The following PLEKHA5 variants were observed in gnomAD, a reference collection of about 807,000 sequenced individuals.
The protein encoded by PLEKHA5 is pleckstrin homology domain containing A5.
A neutral mutation model predicts 181.9 loss-of-function variants in PLEKHA5; 55 were observed. That is an observed-to-expected ratio of 0.30 (90% CI 0.24 to 0.38). PLEKHA5 has a LOEUF of 0.38. PLEKHA5 is among the 10% of genes least tolerant of loss of function. The pLI, the probability that PLEKHA5 is intolerant of heterozygous loss-of-function variation, is 1.00. For missense variants in PLEKHA5, 1,432 were observed against 1,549.5 expected (o/e 0.92, Z 1.27); for synonymous variants, 535 against 529.4 (o/e 1.01, Z -0.15).
At chr12:19,239,055 A>G (rs1001989255) in intron 3 of PLEKHA5, among the ~76,000 whole-genome samples, 1 of 152,182 alleles carries the variant, frequency 6.6e-6, no homozygotes, top group African/African-American at 2.4e-5. Context: ...TAAGGCCCTT[A>G]TAGTCTTAAA....
intron 3 of PLEKHA5, among the ~76,000 whole-genome samples, chr12:19,209,681 A>G (rs191911108): frequency 5.9e-5 from 9 of 152,334 alleles, no homozygotes; most frequent in Admixed American, 2.0e-4. Flanking sequence ...ACAAAGTACA[A>G]TCAAAGCAGT....
Position 19,287,482 on chromosome 12 carries a change from G to T in PLEKHA5, c.1789G>T (p.Val597Leu). The T allele has an allele frequency of 6.2e-7, 1 of 1,607,274 alleles. No homozygotes were observed. Among genetic ancestry groups the T allele is most frequent in the Non-Finnish European group, 8.5e-7 (1 of 1,175,044 alleles). ...GCCTTTACTTTCCTAGCATGTCTATGTGCCTGACAGAAGGTCAGTGCCAGC... is the reference window on the plus strand; with the variant it reads ...GCCTTTACTTTCCTAGCATGTCTATTTGCCTGACAGAAGGTCAGTGCCAGC... ...HRAHHPKHVY[V>L]PDRRSVPAGL... Residue 597 changes from valine (V) to leucine (L), a missense_variant, in exon 13 of 32, where the codon GTG (valine) becomes TTG (leucine). Val to Leu is a conservative substitution (Grantham distance 32). Transcript: ENST00000429027.
chr12:19,291,118 C>T (rs1377238934), intron 14 of PLEKHA5, among the ~76,000 whole-genome samples: 1 of 152,074 alleles, frequency 6.6e-6, no homozygotes, highest in African/African-American at 2.4e-5. Context: ...ACTGTGACTT[C>T]CATATCTGGT....
intron 3 of PLEKHA5, among the ~76,000 whole-genome samples, chr12:19,161,854 A>G (rs1287942256): frequency 6.6e-6 from 1 of 152,176 alleles, no homozygotes; most frequent in African/African-American, 2.4e-5. Flanking sequence ...ATTAACCAAG[A>G]TTGAGTATGT....
At chr12:19,259,361 T>C (rs1053281949) in intron 6 of PLEKHA5, among the ~76,000 whole-genome samples, 2 of 151,794 alleles carry the variant, frequency 1.3e-5, no homozygotes, top group Non-Finnish European at 2.9e-5. Context: ...AGCAAGACCC[T>C]GTCTCCAAAA....
chr12:19,230,393 G>C (rs1004533122), intron 3 of PLEKHA5, among the ~76,000 whole-genome samples: 1 of 152,174 alleles, frequency 6.6e-6, no homozygotes, highest in Non-Finnish European at 1.5e-5. Context: ...TGATGGGACC[G>C]GGCGTCGCAG....
chr12:19,180,826 G>A (rs1270338460), intron 3 of PLEKHA5, among the ~76,000 whole-genome samples: 1 of 146,422 alleles, frequency 6.8e-6, no homozygotes, highest in Non-Finnish European at 1.5e-5. Flanking sequence ...TTCCAAAGCC[G>A]ATTCCTGAGA....
chr12:19,160,952 C>T (rs1034988001), intron 3 of PLEKHA5, among the ~76,000 whole-genome samples: 15 of 151,960 alleles, frequency 9.9e-5, no homozygotes, highest in Admixed American at 9.8e-4. Flanking sequence ...TAAAAGCGTA[C>T]ATGTATGAAA....
intron 3 of PLEKHA5, among the ~76,000 whole-genome samples, chr12:19,187,544 G>C (rs2050143551): frequency 6.6e-6 from 1 of 152,160 alleles, no homozygotes; most frequent in Non-Finnish European, 1.5e-5. Context: ...TTTACCCCTA[G>C]TTAGTGATGC....
chr12:19,359,397 A>T lies in PLEKHA5; in HGVS notation c.3349-15A>T. On this transcript the variant is annotated splice_polypyrimidine_tract_variant and intron_variant, in intron 27 of 31. Coordinates refer to ENST00000429027, the MANE Select transcript of PLEKHA5 (RefSeq NM_001256470.2). ...CACAGTATGAGTATAAAAATGCTAT[A>T]TGTCTTTTGAGCAGACTCGAAGGAG... 6.2e-7 allele frequency: 1 copy of T among 1,609,546 alleles called. No individual in the cohort carries two copies. Among genetic ancestry groups the T allele is most frequent in the African/African-American group, 1.3e-5 (1 of 74,826 alleles).
At chr12:19,183,021 A>G (rs536587574) in intron 3 of PLEKHA5, among the ~76,000 whole-genome samples, 5 of 152,358 alleles carry the variant, frequency 3.3e-5, no homozygotes, top group South Asian at 2.1e-4. Flanking sequence ...CTGAAGAGCA[A>G]TGAAACAGAG....
chr12:19,303,903 C>T (rs981383442), intron 15 of PLEKHA5: 1 of 143,016 alleles, frequency 7.0e-6, no homozygotes, highest in Non-Finnish European at 1.5e-5. Flanking sequence ...GCAGCCTCAA[C>T]CCCCTAGGCT....
intron 30 of PLEKHA5, among the ~76,000 whole-genome samples, chr12:19,366,511 G>T (rs192717859): frequency 5.9e-5 from 9 of 152,122 alleles, no homozygotes; most frequent in African/African-American, 2.2e-4. Context: ...AAAATTAGCC[G>T]GGCATGGTGG....
intron 3 of PLEKHA5, among the ~76,000 whole-genome samples, chr12:19,225,597 T>C (rs1306200600): frequency 1.3e-5 from 2 of 152,166 alleles, no homozygotes; most frequent in Non-Finnish European, 1.5e-5. Context: ...GTTAAACCCA[T>C]TTTTCTCATG....
chr12:19,344,766 A>G (rs1160894283), intron 22 of PLEKHA5, among the ~76,000 whole-genome samples: 2 of 152,092 alleles, frequency 1.3e-5, no homozygotes, highest in Non-Finnish European at 2.9e-5. Flanking sequence ...TTGCTTTCCA[A>G]TTCTGAAAAC....
intron 3 of PLEKHA5, among the ~76,000 whole-genome samples, chr12:19,135,677 C>T (rs888145416): frequency 6.6e-6 from 1 of 151,936 alleles, no homozygotes; most frequent in African/African-American, 2.4e-5. Flanking sequence ...TTCATGTAAA[C>T]AGATAGTACT....
At chr12:19,365,259 C>T (rs1197050671) in intron 29 of PLEKHA5, among the ~76,000 whole-genome samples, 2 of 150,906 alleles carry the variant, frequency 1.3e-5, no homozygotes, top group African/African-American at 2.4e-5. Flanking sequence ...CCCTGCTACT[C>T]GGGAGGCTGA....
rs1308074450 is a variant in PLEKHA5 at position 19,375,996 on chromosome 12, T to C, written c.*477T>C. On this transcript the variant is annotated 3_prime_UTR_variant, in exon 32 of 32. Coordinates refer to ENST00000429027, the MANE Select transcript of PLEKHA5 (RefSeq NM_001256470.2). ...TGTTTCACACTTGATTTGTAAAAAT[T>C]TTATATATATGTATTTAAAATGTGC... 6.6e-6 allele frequency: 1 copy of C among 152,522 alleles called. No individual in the cohort carries two copies. The highest frequency in any genetic ancestry group is 1.5e-5 in the Non-Finnish European group (1 of 68,026). The allele number at this position is 152,522 out of a possible 1,614,324, so 9.4% of individuals were successfully genotyped here. A position where few individuals can be genotyped will look rare whatever the true frequency, so the allele number is the denominator to read the frequency against.
chr12:19,321,322 C>A (rs1347258968), intron 18 of PLEKHA5, among the ~76,000 whole-genome samples: 1 of 148,280 alleles, frequency 6.7e-6, no homozygotes. Flanking sequence ...ACATTCTTCA[C>A]TCATTATACC....
Sources: allele counts gnomAD v4.1 joint callset (sites outside exome capture counted in the v4.1 genomes callset), GRCh38; gene constraint gnomAD v4.1.1; transcripts MANE v1.5; gene names NCBI Gene and HGNC (gene_info 2026-07-23, HGNC 2026-07-21).